PAPPA: variants seen among roughly 807,000 people sequenced by gnomAD.
PAPPA encodes the protein pappalysin-1.
PAPPA carries 60 observed loss-of-function variants against 164.0 expected under a neutral mutation model. The observed-to-expected ratio is 0.37, with a 90% CI of 0.30 to 0.45. The LOEUF is 0.45. Ranked by LOEUF, PAPPA falls within the 20% of genes least tolerant of loss-of-function variation. The pLI, the probability that PAPPA is intolerant of heterozygous loss-of-function variation, is 1.00. For synonymous variants in PAPPA, 875 were observed against 814.1 expected, an observed-to-expected ratio of 1.07 and a Z score of -1.27; for missense variants, 1,782 against 2,087.3, an observed-to-expected ratio of 0.85 and a Z score of 2.85.
intron 9 of PAPPA, among the ~76,000 whole-genome samples, chr9:116,277,071 TGCTGGAGGA>T (rs960878767): frequency 1.9e-4 from 29 of 152,318 alleles, no homozygotes; most frequent in Middle Eastern, 3.4e-3. Context: ...AAACAGCATC[TGCTGGAGGA>T]GAGGGGGAAG....
chr9:116,207,504 A>T lies in PAPPA; in HGVS notation c.1527A>T (p.Gly509=). The T allele has an allele frequency of 6.2e-7, 1 of 1,613,160 alleles. No individual in the cohort carries two copies. Among genetic ancestry groups the T allele is most frequent in the Non-Finnish European group, 8.5e-7 (1 of 1,179,282 alleles). ...NELKNILKLD[G]STHLNIFFAK... ...TGAAGAACATTCTTAAATTGGATGGATCAACACATCTCAATATTTTCTTTG... is the reference window on the plus strand; with the variant it reads ...TGAAGAACATTCTTAAATTGGATGGTTCAACACATCTCAATATTTTCTTTG... The change falls in exon 3 of 22, where the codon GGA becomes GGT. Residue 509 remains glycine, a synonymous_variant. Coordinates refer to ENST00000328252, the MANE Select transcript of PAPPA (RefSeq NM_002581.5).
chr9:116,382,656 G>T (rs111787495), intron 21 of PAPPA, among the ~76,000 whole-genome samples, 163 bp downstream of exon 21: 3,865 of 152,168 alleles, frequency 0.025, 161 homozygotes, highest in African/African-American at 0.089. Flanking sequence ...GTCAGTAGTT[G>T]AACTAATATC....
Position 116,211,881 on chromosome 9 carries a change from G to A in PAPPA, c.1867G>A (p.Gly623Ser). 2 of 1,614,088 alleles carry A rather than the reference G, an allele frequency of 1.2e-6. No homozygotes were observed. The highest frequency in any genetic ancestry group is 1.1e-5 in the South Asian group (1 of 91,080). ...CCCAGGGCCAGGAAATGACACCTGTGGCTTTCATAGCTTCTTCAACACTCC... is the reference window on the plus strand; with the variant it reads ...CCCAGGGCCAGGAAATGACACCTGTAGCTTTCATAGCTTCTTCAACACTCC... ...GDPGPGNDTC[G>S]FHSFFNTPYN... The change falls in exon 4 of 22, where the codon GGC becomes AGC. Residue 623 changes from glycine (G) to serine (S), a missense_variant. Coordinates refer to ENST00000328252, the MANE Select transcript of PAPPA (RefSeq NM_002581.5).
intron 9 of PAPPA, among the ~76,000 whole-genome samples, chr9:116,297,908 G>T (rs1039655192): frequency 6.6e-6 from 1 of 152,158 alleles, no homozygotes; most frequent in Non-Finnish European, 1.5e-5. Flanking sequence ...TGTTGAGAAA[G>T]TCTAAAATGT....
chr9:116,210,689 A>G (rs531102616), intron 3 of PAPPA, among the ~76,000 whole-genome samples: 35 of 152,282 alleles, frequency 2.3e-4, no homozygotes, highest in East Asian at 1.7e-3. Context: ...GCAATTCTCA[A>G]TCTTCTGAGG....
At chr9:116,356,556 T>G (rs1292068620) in intron 17 of PAPPA, among the ~76,000 whole-genome samples, 1 of 152,190 alleles carries the variant, frequency 6.6e-6, no homozygotes, top group African/African-American at 2.4e-5. Context: ...ACTGAGAAGT[T>G]TTCTGTTTTC....
Position 116,235,579 on chromosome 9 carries a change from C to A in PAPPA, c.2674C>A (p.Pro892Thr). 1 of 1,613,444 alleles carries A rather than the reference C, an allele frequency of 6.2e-7. No homozygotes were observed. Among genetic ancestry groups the A allele is most frequent in the South Asian group, 1.1e-5 (1 of 91,026 alleles). The change falls in exon 7 of 22, where the codon CCT becomes ACT. Residue 892 changes from proline to threonine, a missense_variant. By Grantham distance (38) the Pro-to-Thr change is conservative. Transcript: ENST00000328252. ...KPLKYKVVRD[P>T]PLQMDVASIL... ...CCTGAAGTATAAGGTGGTCCGGGAC[C>A]CTCCTCTCCAGATGGATGTGGCCTC...
intron 20 of PAPPA, among the ~76,000 whole-genome samples, chr9:116,378,766 C>CA (rs1369666304): frequency 3.9e-5 from 6 of 152,148 alleles, no homozygotes; most frequent in African/African-American, 1.4e-4. Flanking sequence ...ACCACAAAGA[C>CA]AAAACGTAAG....
chr9:116,234,744 T>C (rs1439680972), intron 6 of PAPPA, among the ~76,000 whole-genome samples: 2 of 152,220 alleles, frequency 1.3e-5, no homozygotes, highest in African/African-American at 2.4e-5. Flanking sequence ...GGAGCCTTAG[T>C]TTTATCACCT....
intron 7 of PAPPA, among the ~76,000 whole-genome samples, chr9:116,247,279 C>T (rs1425004437): frequency 2.0e-5 from 3 of 152,156 alleles, no homozygotes; most frequent in African/African-American, 7.2e-5. Context: ...CTAGTTTCAA[C>T]TCTATTCAGG....
chr9:116,217,073 G>T (rs1299967558), intron 4 of PAPPA, among the ~76,000 whole-genome samples: 1 of 152,032 alleles, frequency 6.6e-6, no homozygotes, highest in Non-Finnish European at 1.5e-5. Flanking sequence ...ATACATTCCT[G>T]TCTCCCTACT....
intron 17 of PAPPA, among the ~76,000 whole-genome samples, chr9:116,358,306 A>G (rs1352334888): frequency 2.6e-5 from 4 of 152,370 alleles, no homozygotes; most frequent in African/African-American, 9.6e-5. Flanking sequence ...CTTGTGGGGC[A>G]ACATGTCACC....
intron 20 of PAPPA, among the ~76,000 whole-genome samples, chr9:116,379,200 C>A (rs1846694572): frequency 1.3e-5 from 2 of 152,178 alleles, no homozygotes; most frequent in South Asian, 4.1e-4. Flanking sequence ...TCACCTTTGC[C>A]CTTGCAGGTG....
intron 12 of PAPPA, among the ~76,000 whole-genome samples, chr9:116,333,617 G>A (rs1200649985): frequency 6.6e-6 from 1 of 152,160 alleles, no homozygotes; most frequent in African/African-American, 2.4e-5. Flanking sequence ...TTTTATGCTT[G>A]TTTATTTAGT....
chr9:116,348,073 G>A (rs1213561789), intron 15 of PAPPA, among the ~76,000 whole-genome samples: 1 of 152,140 alleles, frequency 6.6e-6, no homozygotes, highest in Non-Finnish European at 1.5e-5. Context: ...TGTTGTTGGG[G>A]AAGTGTGACC....
intron 18 of PAPPA, among the ~76,000 whole-genome samples, chr9:116,363,615 A>G (rs575240350): frequency 5.9e-5 from 9 of 152,158 alleles, no homozygotes; most frequent in Admixed American, 1.3e-4. Flanking sequence ...CTGATTCCCT[A>G]ATTGACCATG....
At chr9:116,366,594 C>T (rs960102947) in intron 18 of PAPPA, among the ~76,000 whole-genome samples, 12 of 152,198 alleles carry the variant, frequency 7.9e-5, no homozygotes, top group Admixed American at 2.6e-4. Flanking sequence ...CTTATTCACT[C>T]ACTGTCTCTT....
intron 7 of PAPPA, among the ~76,000 whole-genome samples, chr9:116,244,372 G>T (rs577958036): frequency 1.3e-5 from 2 of 152,238 alleles, no homozygotes; most frequent in Non-Finnish European, 2.9e-5. Context: ...AAATTGAACC[G>T]ATAGTTCCAT....
chr9:116,292,750 G>A (rs182977818), intron 9 of PAPPA, among the ~76,000 whole-genome samples: 11 of 152,186 alleles, frequency 7.2e-5, no homozygotes, highest in Admixed American at 2.0e-4. Flanking sequence ...TCAGTGATTG[G>A]CACATAGAGG....
Sources: allele counts gnomAD v4.1 joint callset (sites outside exome capture counted in the v4.1 genomes callset), GRCh38; gene constraint gnomAD v4.1.1; transcripts MANE v1.5; gene names NCBI Gene and HGNC (gene_info 2026-07-23, HGNC 2026-07-21).